The following KNOP1 variants were observed in gnomAD, a reference collection of about 807,000 sequenced individuals.
KNOP1 encodes lysine rich nucleolar protein 1.
In KNOP1, 20 loss-of-function variants were observed where a neutral mutation model predicts 30.6. The ratio of observed to expected loss-of-function variants is 0.65; its 90% CI spans 0.46 to 0.95. KNOP1 has a LOEUF of 0.95. Ranked by LOEUF, KNOP1 falls within the 40% of genes least tolerant of loss-of-function variation. The probability of loss-of-function intolerance (pLI) is 0.00; values close to 1 mark genes in which losing one functional copy is unlikely to be tolerated. For synonymous variants in KNOP1, 204 were observed against 210.0 expected (o/e 0.97, Z 0.25); for missense variants, 540 against 562.0 (o/e 0.96, Z 0.40).
chr16:19,710,400 G>T, intron 4 of KNOP1, 109 bp downstream of exon 4: 1 of 1,061,182 alleles, frequency 9.4e-7, no homozygotes, highest in Non-Finnish European at 1.5e-6. Flanking sequence ...CTGCCTCTGG[G>T]GCCTGGACAT....
At position 19,710,488 on chromosome 16, in the gene KNOP1, GAGCCCT is replaced by G; in HGVS notation, c.1065+15_1065+20del. On this transcript the variant is annotated intron_variant, in intron 4 of 4. Transcript: ENST00000219837. ...AGGCCGAGCGTGCCACCTCCTCGCA[GAGCCCT>G]AGCCCCAAACTTACCGTCCACTTCC... 1 of 1,613,088 alleles carries G rather than the reference GAGCCCT, an allele frequency of 6.2e-7. No individual in the cohort carries two copies.
rs1976251481 is a variant in KNOP1 at position 19,703,653 on chromosome 16, G to C, written c.*3257C>G. On this transcript the variant is annotated 3_prime_UTR_variant, in exon 5 of 5. Transcript: ENST00000219837. ...ATGGCTCACTGCAGCCGTGATGGAGGGTGGTGCTCAAACCAATGTTAATTT... is the reference window on the plus strand; with the variant it reads ...ATGGCTCACTGCAGCCGTGATGGAGCGTGGTGCTCAAACCAATGTTAATTT... 6.6e-6 allele frequency: 1 copy of C among 151,792 alleles called. No homozygotes were observed. Among genetic ancestry groups the C allele is most frequent in the South Asian group, 2.1e-4 (1 of 4,800 alleles). 9.4% of individuals were successfully genotyped at this position (151,792 alleles called of 1,614,324 possible). A position where few individuals can be genotyped will look rare whatever the true frequency, so the allele number is the denominator to read the frequency against.
Position 19,714,615 on chromosome 16 carries a change from C to T in KNOP1, c.421G>A (p.Glu141Lys), listed in dbSNP as rs1976907521. ...TSPDPRQGEE[E>K]TRVGKKLKKH... ...TTGAGCTTCTTGCCAACTCTGGTTT[C>T]CTCCTCACCCTGTCTAGGGTCTGGG... The change falls in exon 2 of 5, where the codon GAA becomes AAA. Residue 141 changes from glutamate (E) to lysine (K), a missense_variant. By Grantham distance (56) the Glu-to-Lys change is moderately conservative (BLOSUM62 1). Transcript: ENST00000219837. 6 of 1,613,982 alleles carry T rather than the reference C, an allele frequency of 3.7e-6. No individual in the cohort carries two copies. The East Asian group carries it at 1.3e-4, about 36-fold the overall frequency.
At chr16:19,712,013 C>T (rs1158239994) in intron 2 of KNOP1, 1 of 154,336 alleles carries the variant, frequency 6.5e-6, no homozygotes, top group Non-Finnish European at 1.4e-5. Context: ...GTGTGATGAC[C>T]CTGGAAGCCC....
At chr16:19,713,570 T>TGGA (rs1340284390) in intron 2 of KNOP1, among the ~76,000 whole-genome samples, 2 of 151,448 alleles carry the variant, frequency 1.3e-5, no homozygotes. Flanking sequence ...GTGATGGAGG[T>TGGA]GGAGGAGGAG....
rs1170405302 is a variant in KNOP1, at chr16:19,703,629, T to G, written c.*3281A>C. 6.6e-6 allele frequency: 1 copy of G among 151,760 alleles called. No individual in the cohort carries two copies. The highest frequency in any genetic ancestry group is 1.9e-4 in the East Asian group (1 of 5,160). 9.4% of individuals were successfully genotyped at this position (151,760 alleles called of 1,614,324 possible). On this transcript the variant is annotated 3_prime_UTR_variant, in exon 5 of 5. Coordinates refer to ENST00000219837, the MANE Select transcript of KNOP1 (RefSeq NM_001012991.3). The stretch of plus-strand genomic sequence containing the variant: ...AGGCTGGAACACAGTGGTGCAATCA[T>G]GGCTCACTGCAGCCGTGATGGAGGG...
chr16:19,710,660 CGGGGCT>C, intron 3 of KNOP1, 74 bp from the exon 4 acceptor site: 1 of 1,282,108 alleles, frequency 7.8e-7, no homozygotes, highest in Non-Finnish European at 1.1e-6. Flanking sequence ...AGGACAGAGA[CGGGGCT>C]GGGGGAACGG....
Position 19,714,985 on chromosome 16 carries a change from C to G in KNOP1, c.51G>C (p.Lys17Asn). ...KVDLGLPEKK[K>N]KKKVVKEPET... ...CTGGTTCTTTGACCACTTTCTTCTT[C>G]TTTTTCTTCTCTGGGAGCCCAAGGT... The change falls in exon 2 of 5, where the codon AAG becomes AAC. Residue 17 changes from lysine to asparagine, a missense_variant. By Grantham distance (94) the Lys-to-Asn change is moderately conservative. Coordinates refer to ENST00000219837, the MANE Select transcript of KNOP1 (RefSeq NM_001012991.3). The G allele has an allele frequency of 6.3e-7, 1 of 1,588,924 alleles. No individual in the cohort carries two copies. The highest frequency in any genetic ancestry group is 8.5e-7 in the Non-Finnish European group (1 of 1,172,546).
At position 19,710,564 on chromosome 16, in the gene KNOP1, T is replaced by C; in HGVS notation, c.1010A>G (p.Glu337Gly). 1 of 1,612,344 alleles carries C rather than the reference T, an allele frequency of 6.2e-7. No homozygotes were observed. The highest frequency in any genetic ancestry group is 8.5e-7 in the Non-Finnish European group (1 of 1,180,014). ...IDQVRRKALQ[E>G]EIDRESGKTE... ...TTTGCCTGACTCGCGATCGATCTCT[T>C]CTTGCAAGGCCTTTCGCCTCACCTG... Residue 337 changes from glutamate to glycine, a missense_variant, in exon 4 of 5, where the codon GAA (glutamate) becomes GGA (glycine). By Grantham distance (98) the Glu-to-Gly change is moderately conservative. Transcript: ENST00000219837.
Position 19,705,281 on chromosome 16 carries a change from C to T in KNOP1, c.*1629G>A, listed in dbSNP as rs779844587. 4.4e-6 allele frequency: 2 copies of T among 455,954 alleles called. No individual in the cohort carries two copies. Among genetic ancestry groups the T allele is most frequent in the Non-Finnish European group, 8.8e-6 (2 of 226,742 alleles). 28.2% of individuals were successfully genotyped at this position (455,954 alleles called of 1,614,324 possible). On this transcript the variant is annotated 3_prime_UTR_variant, in exon 5 of 5. Transcript: ENST00000219837. ...TGAACTTTCTGGCCATCGAGGCCTG[C>T]CTGGGCTGGGATGTCTGTAGGAGGC... is the stretch of plus-strand genomic sequence containing the variant.
chr16:19,718,119 C>A, intron 1 of KNOP1, 39 bp downstream of exon 1: 1 of 1,446,590 alleles, frequency 6.9e-7, no homozygotes, highest in Non-Finnish European at 9.0e-7. Context: ...AATCTCCACA[C>A]CCCGCGCCGG....
rs764955047 is a variant in KNOP1 at position 19,704,880 on chromosome 16, A to G, written c.*2030T>C. The stretch of plus-strand genomic sequence containing the variant: ...TTGACCTGGCCAATGCTTGCGGATC[A>G]GGGTTCAGAGCCAGGGAAACTGCCT... On this transcript the variant is annotated 3_prime_UTR_variant, in exon 5 of 5. Transcript: ENST00000219837. The G allele has an allele frequency of 1.4e-4, 36 of 260,688 alleles. No individual in the cohort carries two copies. The highest frequency in any genetic ancestry group is 2.5e-4 in the Non-Finnish European group (33 of 131,616). The allele number at this position is 260,688 out of a possible 1,614,324, so 16.1% of individuals were successfully genotyped here. A position where few individuals can be genotyped will look rare whatever the true frequency, so the allele number is the denominator to read the frequency against.
Position 19,704,695 on chromosome 16 carries a change from A to G in KNOP1, c.*2215T>C, listed in dbSNP as rs1807583638. 1 of 154,844 alleles carries G rather than the reference A, an allele frequency of 6.5e-6. No individual in the cohort carries two copies. Among genetic ancestry groups the G allele is most frequent in the East Asian group, 1.9e-4 (1 of 5,264 alleles). 9.6% of individuals were successfully genotyped at this position (154,844 alleles called of 1,614,324 possible). A position where few individuals can be genotyped will look rare whatever the true frequency, so the allele number is the denominator to read the frequency against. On this transcript the variant is annotated 3_prime_UTR_variant, in exon 5 of 5. Coordinates refer to ENST00000219837, the MANE Select transcript of KNOP1 (RefSeq NM_001012991.3). ...TTCTCCATCAAAGGAGGAGGTGCCC[A>G]GAAGGCACTCACTCAAATCCAGAAC...
chr16:19,717,763 G>T (rs1373408089), intron 1 of KNOP1: 8 of 995,900 alleles, frequency 8.0e-6, no homozygotes, highest in Non-Finnish European at 8.4e-6. Flanking sequence ...TAATTCACTT[G>T]CCCTAGGTTC....
rs1185544574 is a variant in KNOP1, at chr16:19,711,776, A to G, written c.919-336T>C. On this transcript the variant is annotated intron_variant, in intron 2 of 4. Coordinates refer to ENST00000219837, the MANE Select transcript of KNOP1 (RefSeq NM_001012991.3). ...CAGGGCTTGGTGTCCGACCTTTCCC[A>G]CTACACACGTCACCTACCTCCTACG... 2.5e-5 allele frequency: 9 copies of G among 355,650 alleles called. No homozygotes were observed. The East Asian group carries it at 5.0e-4, about 20-fold the overall frequency. 22.0% of individuals were successfully genotyped at this position (355,650 alleles called of 1,614,324 possible).
intron 1 of KNOP1, chr16:19,717,515 T>C (rs1398236105): frequency 3.1e-5 from 31 of 984,470 alleles, no homozygotes; most frequent in Non-Finnish European, 3.6e-5. Flanking sequence ...CACCGGGAGG[T>C]TGCGGGTCAA....
intron 4 of KNOP1, among the ~76,000 whole-genome samples, chr16:19,709,475 AG>A (rs1225436269): frequency 1.3e-5 from 2 of 152,094 alleles, no homozygotes; most frequent in African/African-American, 4.8e-5. Flanking sequence ...GCCTTCTACC[AG>A]GTCTTCCCGC....
At chr16:19,710,433 C>T (rs720174) in intron 4 of KNOP1, 76 bp downstream of exon 4, 271,382 of 1,453,468 alleles carry the variant, frequency 0.19, 26,686 homozygotes, top group African/African-American at 0.29. Flanking sequence ...TGCTCCACTC[C>T]TCATGCTGGA....
intron 3 of KNOP1, 148 bp from the exon 4 acceptor site, chr16:19,710,734 A>AT (rs1303887041): frequency 4.4e-6 from 3 of 675,912 alleles, no homozygotes; most frequent in African/African-American, 3.5e-5. Context: ...AGCTGCTATC[A>AT]TAAGTATTCT....
Sources: allele counts gnomAD v4.1 joint callset (sites outside exome capture counted in the v4.1 genomes callset), GRCh38; gene constraint gnomAD v4.1.1; transcripts MANE v1.5; gene names NCBI Gene and HGNC (gene_info 2026-07-23, HGNC 2026-07-21).